Variants in CHL1 observed in about 807,000 individuals in gnomAD.
The protein encoded by CHL1 is cell adhesion molecule L1 like.
Under a neutral mutation model 141.9 loss-of-function variants are expected in CHL1, and 96 were observed. The observed-to-expected ratio is 0.68, with a 90% confidence interval of 0.57 to 0.80. CHL1 has a LOEUF of 0.80. Among genes scored for constraint, CHL1 ranks in the 30% least tolerant of loss-of-function variants. The probability of loss-of-function intolerance (pLI) is 0.00; values close to 1 mark genes in which losing one functional copy is unlikely to be tolerated. For missense variants in CHL1, 1,820 were observed against 1,457.2 expected (o/e 1.25, Z -4.05); for synonymous variants, 613 against 502.2 (o/e 1.22, Z -2.95).
intron 1 of CHL1, among the ~76,000 whole-genome samples, chr3:226,965 C>G (rs1207268377): frequency 3.9e-5 from 6 of 152,084 alleles, no homozygotes; most frequent in African/African-American, 1.4e-4. Flanking sequence ...TTGCTAAAAG[C>G]TGAAATGCAT....
chr3:258,979 G>T (rs1420307384), intron 2 of CHL1, among the ~76,000 whole-genome samples: 1 of 149,312 alleles, frequency 6.7e-6, no homozygotes, highest in Admixed American at 6.7e-5. Flanking sequence ...TGTCACCCAG[G>T]CTGGAGTGCA....
At chr3:279,836 T>C (rs1377713557) in intron 2 of CHL1, among the ~76,000 whole-genome samples, 1 of 152,192 alleles carries the variant, frequency 6.6e-6, no homozygotes, top group Non-Finnish European at 1.5e-5. Flanking sequence ...TAGACTTGAT[T>C]AATAAATGCT....
chr3:253,264 A>G lies in CHL1; in HGVS notation c.-95+8572A>G, dbSNP rs187279219. On this transcript the variant is annotated intron_variant, in intron 2 of 27. Transcript: ENST00000256509. The stretch of plus-strand genomic sequence containing the variant: ...CTGTGATGTATCTCGTTATGAACCA[A>G]TTATGCTCCCTTAGCACCATAGTTA... Among the ~76,000 whole-genome samples the G allele has an allele frequency of 5.3e-5, 8 of 152,226 alleles. No homozygotes were observed. In the East Asian group the frequency reaches 5.8e-4, roughly 11 times the overall value.
chr3:287,048 C>G (rs765300667), intron 2 of CHL1, among the ~76,000 whole-genome samples: 5 of 152,132 alleles, frequency 3.3e-5, no homozygotes, highest in Non-Finnish European at 5.9e-5. Context: ...CATCCTCTGA[C>G]TTAGAATACC....
chr3:256,382 A>C (rs1694175788), intron 2 of CHL1, among the ~76,000 whole-genome samples: 1 of 152,208 alleles, frequency 6.6e-6, no homozygotes, highest in Non-Finnish European at 1.5e-5. Flanking sequence ...GTAACTTAAC[A>C]CAGAATAAAT....
intron 15 of CHL1, among the ~76,000 whole-genome samples, chr3:366,470 CAAAA>C (rs5845967): frequency 7.4e-6 from 1 of 134,658 alleles, no homozygotes; most frequent in Non-Finnish European, 1.6e-5. Context: ...GACTCTGTCT[CAAAA>C]AAAAAAAAAA....
intron 9 of CHL1, among the ~76,000 whole-genome samples, chr3:347,100 A>C (rs1423806035): frequency 6.6e-6 from 1 of 152,154 alleles, no homozygotes; most frequent in Non-Finnish European, 1.5e-5. Context: ...TATCTGAACA[A>C]ATGTGTTTTG....
chr3:345,963 C>A (rs562824756), intron 9 of CHL1, among the ~76,000 whole-genome samples: 1 of 152,154 alleles, frequency 6.6e-6, no homozygotes, highest in Non-Finnish European at 1.5e-5. Flanking sequence ...ACGGTCCTTC[C>A]CTACCATTGA....
At chr3:392,894 C>T (rs575214761) in intron 23 of CHL1, among the ~76,000 whole-genome samples, 79 of 152,162 alleles carry the variant, frequency 5.2e-4, no homozygotes, top group Admixed American at 3.8e-3. Flanking sequence ...TTGCATTGTG[C>T]CATTAAAATA....
At chr3:260,836 G>C (rs541923885) in intron 2 of CHL1, among the ~76,000 whole-genome samples, 1 of 152,182 alleles carries the variant, frequency 6.6e-6, no homozygotes, top group African/African-American at 2.4e-5. Context: ...GATTAAGGAA[G>C]CCAAATGGTT....
intron 2 of CHL1, among the ~76,000 whole-genome samples, chr3:306,253 G>C (rs970009851): frequency 6.6e-6 from 1 of 152,220 alleles, no homozygotes; most frequent in East Asian, 1.9e-4. Context: ...GAAATTATGA[G>C]TTTCTTATAA....
intron 2 of CHL1, among the ~76,000 whole-genome samples, chr3:252,399 T>TATATA (rs1693789458): frequency 7.0e-6 from 1 of 143,388 alleles, no homozygotes; most frequent in African/African-American, 2.5e-5. Flanking sequence ...TATATATATA[T>TATATA]ATTTCTATTT....
At chr3:350,615 A>AC (rs1324614275) in intron 10 of CHL1, among the ~76,000 whole-genome samples, 3 of 151,624 alleles carry the variant, frequency 2.0e-5, no homozygotes, top group Admixed American at 6.6e-5. Flanking sequence ...AATGGAAAAA[A>AC]AAAAGGACTC....
At chr3:224,655 G>C in intron 1 of CHL1, among the ~76,000 whole-genome samples, 1 of 152,110 alleles carries the variant, frequency 6.6e-6, no homozygotes, top group Non-Finnish European at 1.5e-5. Context: ...TGCCATGCTT[G>C]TACAGCTTGA....
intron 2 of CHL1, among the ~76,000 whole-genome samples, chr3:270,180 C>G (rs1417117463): frequency 6.6e-6 from 1 of 151,916 alleles, no homozygotes; most frequent in Non-Finnish European, 1.5e-5. Flanking sequence ...CAGAAGGTGA[C>G]TTGAGATTTA....
rs11374109 is a variant in CHL1 at position 400,586 on chromosome 3, C to CTTTTTTTT, written c.3386-1032_3386-1025dup. The stretch of plus-strand genomic sequence containing the variant: ...AGGAAGAACAATTTGTATTTGAGGG[C>CTTTTTTTT]TTTTTTTTTTTTTTTAAGTAAAGGG... On this transcript the variant is annotated intron_variant, in intron 26 of 27. Coordinates refer to ENST00000256509, the MANE Select transcript of CHL1 (RefSeq NM_006614.4). Among the ~76,000 whole-genome samples the CTTTTTTTT allele has an allele frequency of 5.0e-5, 7 of 139,544 alleles. 3 individuals carry two copies. Among genetic ancestry groups the CTTTTTTTT allele is most frequent in the Non-Finnish European group, 6.1e-5 (4 of 66,076 alleles). 91.5% of individuals were successfully genotyped at this position (139,544 alleles called of 152,430 possible).
chr3:392,910 T>C (rs1364685838), intron 23 of CHL1, among the ~76,000 whole-genome samples: 1 of 152,062 alleles, frequency 6.6e-6, no homozygotes, highest in Non-Finnish European at 1.5e-5. Context: ...AAATAAGAAA[T>C]CTATTAGAAA....
At chr3:240,618 C>A (rs370833771) in intron 1 of CHL1, among the ~76,000 whole-genome samples, 19 of 152,212 alleles carry the variant, frequency 1.2e-4, no homozygotes, top group South Asian at 4.1e-4. Flanking sequence ...ACCTATTTAT[C>A]TTTGTTTTTG....
In CHL1 at chr3:324,732, G is replaced by A. The variant is rs1202574503; in HGVS notation, c.92-1227G>A. ...CACCTCACAACAGCTTCAACCTCCT[G>A]GTCTCAAAATTAATCCAGTTAATTT... is the stretch of plus-strand genomic sequence containing the variant. On this transcript the variant is annotated intron_variant, in intron 3 of 27. Transcript: ENST00000256509. Among the ~76,000 whole-genome samples, 2 of 151,562 alleles carry A rather than the reference G, an allele frequency of 1.3e-5. 1 individual carries two copies. The highest frequency in any genetic ancestry group is 3.9e-4 in the East Asian group (2 of 5,154).
Sources: allele counts gnomAD v4.1 joint callset (sites outside exome capture counted in the v4.1 genomes callset), GRCh38; gene constraint gnomAD v4.1.1; transcripts MANE v1.5; gene names NCBI Gene and HGNC (gene_info 2026-07-23, HGNC 2026-07-21).